NEGR1: variants seen among roughly 807,000 people sequenced by gnomAD.
The protein encoded by NEGR1 is neuronal growth regulator 1, also known as IgLON family member 4.
Under a neutral mutation model 40.9 loss-of-function variants are expected in NEGR1, and 10 were observed. The ratio of observed to expected loss-of-function variants is 0.24; its 90% CI spans 0.15 to 0.42. NEGR1 has a LOEUF of 0.42. NEGR1 is among the 10% of genes least tolerant of loss of function. NEGR1 has a pLI of 1.00. For missense variants in NEGR1, 352 were observed against 438.9 expected (o/e 0.80, Z 1.77); for synonymous variants, 185 against 166.8 (o/e 1.11, Z -0.84).
At chr1:72,281,463 A>C (rs988947375) in intron 1 of NEGR1, among the ~76,000 whole-genome samples, 13 of 152,168 alleles carry the variant, frequency 8.5e-5, no homozygotes, top group Admixed American at 7.8e-4. Context: ...GGGTGAGTAA[A>C]TGGTACTGGA....
chr1:72,227,348 T>A (rs1242877886), intron 1 of NEGR1, among the ~76,000 whole-genome samples: 1 of 151,994 alleles, frequency 6.6e-6, no homozygotes, highest in Non-Finnish European at 1.5e-5. Flanking sequence ...GGGTGGGAAG[T>A]GCTTGCCTGG....
At chr1:72,190,123 T>C (rs1652766744) in intron 1 of NEGR1, among the ~76,000 whole-genome samples, 1 of 151,512 alleles carries the variant, frequency 6.6e-6, no homozygotes, top group South Asian at 2.1e-4. Context: ...AATGAAAAAT[T>C]TTAATTCCAT....
chr1:71,424,189 A>G (rs1378872853), intron 6 of NEGR1, among the ~76,000 whole-genome samples: 5 of 152,170 alleles, frequency 3.3e-5, no homozygotes, highest in Non-Finnish European at 7.4e-5. Flanking sequence ...TCAATCATAG[A>G]CATAAGGTTA....
chr1:71,842,230 C>T (rs947254186), intron 2 of NEGR1, among the ~76,000 whole-genome samples: 1 of 152,080 alleles, frequency 6.6e-6, no homozygotes, highest in African/African-American at 2.4e-5. Flanking sequence ...GCTATTCTGG[C>T]TTGTTAGACA....
At chr1:71,867,478 A>T (rs1038867874) in intron 2 of NEGR1, among the ~76,000 whole-genome samples, 1 of 152,222 alleles carries the variant, frequency 6.6e-6, no homozygotes, top group Non-Finnish European at 1.5e-5. Context: ...GGGGTTGTTT[A>T]CATTACAGAA....
At chr1:71,495,909 A>C (rs574065530) in intron 6 of NEGR1, among the ~76,000 whole-genome samples, 1 of 152,154 alleles carries the variant, frequency 6.6e-6, no homozygotes, top group Admixed American at 6.5e-5. Context: ...TGTGTCATCA[A>C]CTCTCCAGGG....
chr1:71,793,786 T>G (rs549498604), intron 2 of NEGR1, among the ~76,000 whole-genome samples: 1 of 151,994 alleles, frequency 6.6e-6, no homozygotes, highest in African/African-American at 2.4e-5. Flanking sequence ...TCAATACAGA[T>G]TTAAGGATAT....
Position 71,731,669 on chromosome 1 carries a change from T to A in NEGR1, c.536-33530A>T, listed in dbSNP as rs1488546440. On this transcript the variant is annotated intron_variant, in intron 3 of 6. Coordinates refer to ENST00000357731, the MANE Select transcript of NEGR1 (RefSeq NM_173808.3). ...TGTTCATCAGTAGAGCAGGCAAAAC[T>A]GGACTTGCCGAAAGTGATCATTGCT... Among the ~76,000 whole-genome samples the A allele has an allele frequency of 2.0e-5, 3 of 152,188 alleles. No individual in the cohort carries two copies. The East Asian group carries it at 5.8e-4, about 29-fold the overall frequency.
At chr1:71,953,742 C>T (rs1292771663) in intron 1 of NEGR1, among the ~76,000 whole-genome samples, 1 of 151,928 alleles carries the variant, frequency 6.6e-6, no homozygotes, top group African/African-American at 2.4e-5. Flanking sequence ...TCAGTAAGCC[C>T]TTCACAAACA....
chr1:72,042,259 T>C (rs1646963445), intron 1 of NEGR1, among the ~76,000 whole-genome samples: 1 of 151,690 alleles, frequency 6.6e-6, no homozygotes, highest in African/African-American at 2.4e-5. Flanking sequence ...GTCTTAAGTG[T>C]TTCACTTGGA....
intron 1 of NEGR1, among the ~76,000 whole-genome samples, chr1:72,132,358 G>T (rs1557542744): frequency 6.6e-6 from 1 of 152,124 alleles, no homozygotes; most frequent in African/African-American, 2.4e-5. Context: ...AAGGGAGCAG[G>T]CAAGGATATC....
chr1:71,678,998 G>A (rs375253759), intron 4 of NEGR1, among the ~76,000 whole-genome samples: 3 of 152,218 alleles, frequency 2.0e-5, no homozygotes, highest in Non-Finnish European at 2.9e-5. Context: ...GGACAGTGAC[G>A]GTATCAAGTT....
At chr1:71,723,517 A>G (rs1304362768) in intron 3 of NEGR1, among the ~76,000 whole-genome samples, 1 of 152,082 alleles carries the variant, frequency 6.6e-6, no homozygotes, top group Non-Finnish European at 1.5e-5. Context: ...AAACATTCAT[A>G]AAACCCCCTA....
chr1:71,794,881 CA>C (rs1054210196), intron 2 of NEGR1, among the ~76,000 whole-genome samples: 14 of 151,706 alleles, frequency 9.2e-5, no homozygotes, highest in African/African-American at 3.1e-4. Flanking sequence ...ATAATTTCAA[CA>C]AGTCAAAATG....
intron 1 of NEGR1, among the ~76,000 whole-genome samples, chr1:72,260,997 T>G (rs1224459326): frequency 1.3e-5 from 2 of 152,098 alleles, no homozygotes; most frequent in Non-Finnish European, 1.5e-5. Flanking sequence ...TTATGGCTTT[T>G]GTTTATATTA....
chr1:71,574,667 T>C (rs369682641), intron 6 of NEGR1, among the ~76,000 whole-genome samples: 15 of 152,266 alleles, frequency 9.9e-5, no homozygotes, highest in Admixed American at 8.5e-4. Context: ...TGTTATTGTC[T>C]CACCACTACA....
intron 2 of NEGR1, among the ~76,000 whole-genome samples, chr1:71,811,636 T>C (rs1658005782): frequency 6.6e-6 from 1 of 150,900 alleles, no homozygotes; most frequent in Non-Finnish European, 1.5e-5. Context: ...ATATGTACTC[T>C]TTCTCTCTTC....
chr1:71,628,492 G>A lies in NEGR1; in HGVS notation c.668-17346C>T. Among the ~76,000 whole-genome samples, 2 of 151,946 alleles carry A rather than the reference G, an allele frequency of 1.3e-5. 1 individual carries two copies. On this transcript the variant is annotated intron_variant, in intron 4 of 6. Transcript: ENST00000357731. Reference sequence around the variant, plus strand: ...AGGTTTGTTACATAGGTATACACGTGCCATGGTGGTTTGCTGCACCCGTCA... The same window carrying A: ...AGGTTTGTTACATAGGTATACACGTACCATGGTGGTTTGCTGCACCCGTCA...
At chr1:71,579,118 A>G (rs967586509) in intron 6 of NEGR1, among the ~76,000 whole-genome samples, 2 of 152,130 alleles carry the variant, frequency 1.3e-5, no homozygotes, top group Admixed American at 1.3e-4. Context: ...TTTGGCTCAT[A>G]TCATTTCTGC....
Sources: gnomAD v4.1 joint callset for allele counts (sites outside exome capture counted in the v4.1 genomes callset) on GRCh38, gnomAD v4.1.1 for gene constraint, MANE v1.5 for transcripts, NCBI Gene and HGNC (gene_info 2026-07-23, HGNC 2026-07-21) for gene names.